The following ETFA variants were observed in gnomAD, a reference collection of about 807,000 sequenced individuals.
ETFA encodes electron transfer flavoprotein subunit alpha.
ETFA carries 22 observed loss-of-function variants against 46.2 expected under a neutral mutation model. The observed-to-expected ratio is 0.48, with a 90% CI of 0.34 to 0.68. ETFA has a LOEUF of 0.68. Among genes scored for constraint, ETFA ranks in the 30% least tolerant of loss-of-function variants. The pLI is 0.01. For missense variants in ETFA, 345 were observed against 401.1 expected, an observed-to-expected ratio of 0.86 and a Z score of 1.19; for synonymous variants, 131 against 139.9, an observed-to-expected ratio of 0.94 and a Z score of 0.45.
chr15:76,267,068 A>AT (rs1219983332), intron 9 of ETFA, among the ~76,000 whole-genome samples: 1 of 152,226 alleles, frequency 6.6e-6, no homozygotes, highest in African/African-American at 2.4e-5. Flanking sequence ...TTAACAGTAA[A>AT]TGCTCCCTGT....
At chr15:76,285,845 TAA>T in intron 6 of ETFA, 107 bp from the exon 7 acceptor site, 1 of 769,854 alleles carries the variant, frequency 1.3e-6, no homozygotes, top group Middle Eastern at 2.4e-4. Flanking sequence ...AAATTTAAGT[TAA>T]TTACTGTGAA....
chr15:76,284,970 C>T (rs776693727), intron 7 of ETFA: 1 of 362,596 alleles, frequency 2.8e-6, no homozygotes, highest in South Asian at 1.9e-5. Flanking sequence ...TCAGATATAT[C>T]ACTTCAAAAT....
intron 9 of ETFA, chr15:76,259,172 A>C: frequency 6.6e-7 from 1 of 1,512,494 alleles, no homozygotes; most frequent in Non-Finnish European, 9.2e-7. Context: ...CCCCAGATCC[A>C]CTGTAGGGCT....
chr15:76,251,161 A>T (rs1418650325), intron 9 of ETFA, among the ~76,000 whole-genome samples: 1 of 152,092 alleles, frequency 6.6e-6, no homozygotes, highest in Non-Finnish European at 1.5e-5. Context: ...TCTTTTTAAG[A>T]CTATAGAAAA....
intron 8 of ETFA, among the ~76,000 whole-genome samples, chr15:76,277,060 G>A (rs2039600262): frequency 1.3e-5 from 2 of 152,152 alleles, no homozygotes. Flanking sequence ...ATTACATGGT[G>A]GTAAGGTGTT....
rs1418097108 is a variant in ETFA, at chr15:76,311,331, CT to C, written c.39+18del. The C allele has an allele frequency of 3.9e-6, 6 of 1,554,730 alleles. No homozygotes were observed. Among genetic ancestry groups the C allele is most frequent in the Non-Finnish European group, 5.2e-6 (6 of 1,149,664 alleles). On this transcript the variant is annotated intron_variant, in intron 1 of 11. Transcript: ENST00000557943. ...GACGGGGGGCCGTCCCTGGGTTCGC[CT>C]TCCCAGTCCGGACTCACCGCCCGCC...
At chr15:76,225,048 G>T (rs918631412) in intron 11 of ETFA, among the ~76,000 whole-genome samples, 4 of 152,090 alleles carry the variant, frequency 2.6e-5, no homozygotes, top group Non-Finnish European at 5.9e-5. Flanking sequence ...GCTAAGGAAG[G>T]CCATTAACCC....
chr15:76,246,251 A>T lies in ETFA; in HGVS notation c.817-14853T>A, dbSNP rs61293317. On this transcript the variant is annotated intron_variant, in intron 9 of 11. Transcript: ENST00000557943. ...ATTATCACCATTGTATAGTTGAGAA[A>T]ACTGTGCTACAGAGGGGTTAAGTGA... Among the ~76,000 whole-genome samples, 697 of 152,334 alleles carry T rather than the reference A, an allele frequency of 4.6e-3. 6 individuals carry two copies. Among genetic ancestry groups the T allele is most frequent in the African/African-American group, 0.016 (661 of 41,580 alleles).
At chr15:76,275,334 C>CT (rs954108422) in intron 8 of ETFA, among the ~76,000 whole-genome samples, 2 of 152,102 alleles carry the variant, frequency 1.3e-5, no homozygotes, top group Non-Finnish European at 2.9e-5. Flanking sequence ...GAACTTAAAA[C>CT]TTTAAGTGTA....
At chr15:76,274,681 C>A (rs1326957134) in intron 8 of ETFA, among the ~76,000 whole-genome samples, 187 bp from the exon 9 acceptor site, 1 of 152,116 alleles carries the variant, frequency 6.6e-6, no homozygotes, top group East Asian at 1.9e-4. Context: ...GGGCTTAACT[C>A]TTCTGCATGC....
intron 1 of ETFA, among the ~76,000 whole-genome samples, chr15:76,300,540 C>CT (rs1271748021): frequency 6.6e-6 from 1 of 152,176 alleles, no homozygotes; most frequent in East Asian, 1.9e-4. Context: ...TCCTTCTCCT[C>CT]TATTACCCCA....
At chr15:76,279,938 A>C (rs1203889806) in intron 8 of ETFA, among the ~76,000 whole-genome samples, 1 of 150,660 alleles carries the variant, frequency 6.6e-6, no homozygotes. Flanking sequence ...CCCAGGCTGT[A>C]ATGCAGTAGC....
intron 4 of ETFA, among the ~76,000 whole-genome samples, chr15:76,288,653 A>G (rs1053145094): frequency 2.0e-5 from 3 of 151,348 alleles, no homozygotes; most frequent in Admixed American, 6.6e-5. Context: ...CGGAGGTTGC[A>G]GTGAGCTGAG....
intron 10 of ETFA, among the ~76,000 whole-genome samples, chr15:76,227,528 AGG>A (rs1347354760): frequency 3.3e-3 from 489 of 147,916 alleles, no homozygotes; most frequent in Middle Eastern, 0.01. Context: ...AAAAAAAAAA[AGG>A]AAAAGCTATC....
intron 9 of ETFA, among the ~76,000 whole-genome samples, chr15:76,263,698 A>G (rs1294027218): frequency 6.6e-6 from 1 of 152,178 alleles, no homozygotes; most frequent in Non-Finnish European, 1.5e-5. Flanking sequence ...TCCAGTTTCC[A>G]TTTGGTCAGT....
At chr15:76,244,527 G>C (rs894697891) in intron 9 of ETFA, among the ~76,000 whole-genome samples, 1 of 151,988 alleles carries the variant, frequency 6.6e-6, no homozygotes, top group African/African-American at 2.4e-5. Flanking sequence ...GGTGAACACA[G>C]TACTGAATTA....
intron 9 of ETFA, among the ~76,000 whole-genome samples, chr15:76,268,141 G>A (rs1479945219): frequency 6.9e-6 from 1 of 144,346 alleles, no homozygotes; most frequent in East Asian, 2.3e-4. Context: ...CAAAGAGGCA[G>A]AAGCTGAGTT....
intron 11 of ETFA, among the ~76,000 whole-genome samples, chr15:76,224,009 T>C (rs1005679676): frequency 6.6e-6 from 1 of 152,238 alleles, no homozygotes; most frequent in African/African-American, 2.4e-5. Flanking sequence ...TACAAGTTTA[T>C]TAAAATATTC....
At chr15:76,297,671 T>C (rs141326758) in intron 1 of ETFA, among the ~76,000 whole-genome samples, 2 of 152,320 alleles carry the variant, frequency 1.3e-5, no homozygotes, top group East Asian at 3.9e-4. Flanking sequence ...CTGGAGATTA[T>C]ATATACTTTT....
Sources: allele counts gnomAD v4.1 joint callset (sites outside exome capture counted in the v4.1 genomes callset), GRCh38; gene constraint gnomAD v4.1.1; transcripts MANE v1.5; gene names NCBI Gene and HGNC (gene_info 2026-07-23, HGNC 2026-07-21).